CDH4: variants seen among roughly 807,000 people sequenced by gnomAD.
CDH4 encodes the protein cadherin 4.
Under a neutral mutation model 86.0 loss-of-function variants are expected in CDH4, and 33 were observed. That is an observed-to-expected ratio of 0.38 (90% CI 0.29 to 0.51). The LOEUF is 0.51. Ranked by LOEUF, CDH4 falls within the 20% of genes least tolerant of loss-of-function variation. CDH4 has a pLI of 0.86. For missense variants in CDH4, 1,114 were observed against 1,307.4 expected (o/e 0.85, Z 2.28); for synonymous variants, 555 against 549.4 (o/e 1.01, Z -0.14).
chr20:61,685,412 C>G (rs1343644778), intron 2 of CDH4, among the ~76,000 whole-genome samples: 1 of 152,206 alleles, frequency 6.6e-6, no homozygotes, highest in African/African-American at 2.4e-5. Context: ...AGCAAGTGCT[C>G]TGTGTACCAA....
chr20:61,846,171 C>T (rs1982443567), intron 5 of CDH4, among the ~76,000 whole-genome samples: 1 of 152,228 alleles, frequency 6.6e-6, no homozygotes, highest in African/African-American at 2.4e-5. Flanking sequence ...TGCCCTAACC[C>T]CGGTCTGCAC....
chr20:61,369,979 G>A (rs1316239132), intron 2 of CDH4: 4 of 152,376 alleles, frequency 2.6e-5, no homozygotes, highest in African/African-American at 9.6e-5. Flanking sequence ...ATAGGGCCTT[G>A]TAGACCCCGG....
intron 2 of CDH4, among the ~76,000 whole-genome samples, chr20:61,272,912 C>T (rs149676044): frequency 6.9e-5 from 5 of 72,982 alleles, no homozygotes; most frequent in African/African-American, 1.7e-4. Flanking sequence ...GGGGGAGTAC[C>T]GTGTGCAGTT....
At chr20:61,889,480 ATGAG>A (rs60761072) in intron 7 of CDH4, among the ~76,000 whole-genome samples, 117,718 of 149,066 alleles carry the variant, frequency 0.79, 48,319 homozygotes, top group Non-Finnish European at 0.92. Flanking sequence ...TAGATGATGG[ATGAG>A]TGAGTGGATG....
chr20:61,636,110 T>C (rs2086944079), intron 2 of CDH4, among the ~76,000 whole-genome samples: 1 of 152,208 alleles, frequency 6.6e-6, no homozygotes, highest in South Asian at 2.1e-4. Context: ...CTTCCGAGTT[T>C]TTTCCTCATC....
chr20:61,278,015 A>C (rs535405451), intron 2 of CDH4, among the ~76,000 whole-genome samples: 2 of 152,316 alleles, frequency 1.3e-5, no homozygotes, highest in African/African-American at 4.8e-5. Flanking sequence ...CCAGGTGAAA[A>C]GCACGTCTGT....
chr20:61,884,546 G>A (rs554092687), intron 7 of CDH4, among the ~76,000 whole-genome samples: 2 of 152,258 alleles, frequency 1.3e-5, no homozygotes, highest in African/African-American at 4.8e-5. Context: ...CCTGAGCAGG[G>A]GTGATCTCTC....
At chr20:61,616,856 A>T (rs2086729085) in intron 2 of CDH4, among the ~76,000 whole-genome samples, 1 of 152,176 alleles carries the variant, frequency 6.6e-6, no homozygotes, top group African/African-American at 2.4e-5. Flanking sequence ...CCCAGCACGT[A>T]GACCTGGTCA....
chr20:61,916,195 G>A (rs2054902016), intron 9 of CDH4, among the ~76,000 whole-genome samples: 1 of 145,760 alleles, frequency 6.9e-6, no homozygotes, highest in East Asian at 2.1e-4. Flanking sequence ...GAGGGGAGGG[G>A]TTGGGGAGTG....
intron 2 of CDH4, among the ~76,000 whole-genome samples, chr20:61,723,468 C>G (rs2088066522): frequency 6.6e-6 from 1 of 152,182 alleles, no homozygotes; most frequent in South Asian, 2.1e-4. Context: ...CTTGGCTTCC[C>G]TTTGCTCAAG....
rs145337897 is a variant in CDH4, at chr20:61,800,324, G to A, written c.576+27142G>A. ...CCCATGACCGGGCAGGGGCAGTTCT[G>A]CGTAGCCGACTCTTTGCCCCCTCCT... On this transcript the variant is annotated intron_variant, in intron 4 of 15. Coordinates refer to ENST00000614565, the MANE Select transcript of CDH4 (RefSeq NM_001794.5). 2.6e-5 allele frequency among the ~76,000 whole-genome samples: 4 copies of A among 152,326 alleles called. No individual in the cohort carries two copies. In the East Asian group the frequency reaches 7.7e-4, roughly 29 times the overall value.
chr20:61,726,668 C>T (rs561708330), intron 2 of CDH4, among the ~76,000 whole-genome samples: 3 of 151,792 alleles, frequency 2.0e-5, no homozygotes, highest in Admixed American at 2.0e-4. Flanking sequence ...ACCATCACTG[C>T]CATCATCACC....
chr20:61,638,085 T>C (rs2086968044), intron 2 of CDH4, among the ~76,000 whole-genome samples: 1 of 148,872 alleles, frequency 6.7e-6, no homozygotes, highest in African/African-American at 2.5e-5. Flanking sequence ...ATCACAGACA[T>C]GAGGCTAATT....
intron 2 of CDH4, chr20:61,717,718 C>T (rs547072912): frequency 2.0e-5 from 3 of 152,310 alleles, no homozygotes; most frequent in Admixed American, 6.5e-5. Flanking sequence ...AACTCCTGAC[C>T]TTAAGGTGAT....
intron 2 of CDH4, among the ~76,000 whole-genome samples, chr20:61,692,201 GTGTATGTCTA>G (rs2087664881): frequency 6.7e-6 from 1 of 150,028 alleles, no homozygotes; most frequent in South Asian, 2.1e-4. Flanking sequence ...ATATGTTTGT[GTGTATGTCTA>G]TGTATGTATG....
chr20:61,605,706 C>A (rs933503660), intron 2 of CDH4, among the ~76,000 whole-genome samples: 1 of 152,046 alleles, frequency 6.6e-6, no homozygotes, highest in African/African-American at 2.4e-5. Flanking sequence ...CCTCTCCAAC[C>A]CTGCTTTTCC....
At chr20:61,852,693 C>T (rs140374355) in intron 5 of CDH4, 61 bp from the exon 6 acceptor site, 39,504 of 1,554,240 alleles carry the variant, frequency 0.025, 644 homozygotes, top group Non-Finnish European at 0.028. Context: ...GGTCCCAGGC[C>T]GCTCTCAGCT....
At chr20:61,710,924 G>T (rs112897211) in intron 2 of CDH4, among the ~76,000 whole-genome samples, 2 of 152,132 alleles carry the variant, frequency 1.3e-5, no homozygotes, top group South Asian at 2.1e-4. Flanking sequence ...CTAACAAATC[G>T]CCATGAGCTC....
chr20:61,708,082 C>A lies in CDH4; in HGVS notation c.170-35481C>A, dbSNP rs1105618. Among the ~76,000 whole-genome samples, 1 of 151,924 alleles carries A rather than the reference C, an allele frequency of 6.6e-6. No homozygotes were observed. On this transcript the variant is annotated intron_variant, in intron 2 of 15. Coordinates refer to ENST00000614565, the MANE Select transcript of CDH4 (RefSeq NM_001794.5). This position sits in a 1 kb window ranked among gnomAD's most constrained non-coding sequence, Gnocchi z 4.5. ...GTGCCCTGGACCCAGGACCTGGGCT[C>A]TGCTGGGGGTCCCGGGCTGTGGCGC...
Sources: allele counts gnomAD v4.1 joint callset (sites outside exome capture counted in the v4.1 genomes callset), GRCh38; gene constraint gnomAD v4.1.1; non-coding constraint Gnocchi (gnomAD v3.1); transcripts MANE v1.5; gene names NCBI Gene and HGNC (gene_info 2026-07-23, HGNC 2026-07-21).